The following DNAJC1 variants were observed in gnomAD, a reference collection of about 807,000 sequenced individuals.
The protein encoded by DNAJC1 is DnaJ heat shock protein family (Hsp40) member C1.
Under a neutral mutation model 76.6 loss-of-function variants are expected in DNAJC1, and 58 were observed. That is an observed-to-expected ratio of 0.76 (90% CI 0.61 to 0.94). The LOEUF is 0.94. Ranked by LOEUF, DNAJC1 falls within the 40% of genes least tolerant of loss-of-function variation. The pLI is 0.00. For missense variants in DNAJC1, 689 were observed against 677.3 expected (o/e 1.02, Z -0.19); for synonymous variants, 258 against 267.9 (o/e 0.96, Z 0.36).
At chr10:21,883,379 C>T (rs1836315034) in intron 7 of DNAJC1, among the ~76,000 whole-genome samples, 1 of 151,778 alleles carries the variant, frequency 6.6e-6, no homozygotes, top group Non-Finnish European at 1.5e-5. Flanking sequence ...AGTATTTTCA[C>T]CACCCCATGT....
chr10:21,941,312 T>C (rs564874805), intron 1 of DNAJC1, among the ~76,000 whole-genome samples: 2 of 146,750 alleles, frequency 1.4e-5, no homozygotes, highest in Non-Finnish European at 3.0e-5. Flanking sequence ...CAACCAAATG[T>C]CATGTATGGA....
chr10:21,910,774 A>G (rs893117612), intron 6 of DNAJC1, among the ~76,000 whole-genome samples: 4 of 146,602 alleles, frequency 2.7e-5, no homozygotes, highest in Non-Finnish European at 4.5e-5. Context: ...CCTATGTAAC[A>G]AACCTGTAAA....
At chr10:21,994,051 A>G (rs1838373802) in intron 1 of DNAJC1, among the ~76,000 whole-genome samples, 1 of 152,218 alleles carries the variant, frequency 6.6e-6, no homozygotes, top group Non-Finnish European at 1.5e-5. Flanking sequence ...TTTCTTTGAG[A>G]ACAGTCCTCA....
intron 9 of DNAJC1, among the ~76,000 whole-genome samples, chr10:21,794,680 T>TA (rs1218545396): frequency 6.6e-6 from 1 of 152,048 alleles, no homozygotes; most frequent in Non-Finnish European, 1.5e-5. Flanking sequence ...GGTATAACAC[T>TA]AAAAAGCATA....
intron 6 of DNAJC1, among the ~76,000 whole-genome samples, chr10:21,914,452 G>A (rs934619319): frequency 2.0e-5 from 3 of 152,140 alleles, no homozygotes; most frequent in African/African-American, 4.8e-5. Flanking sequence ...CAGTCCTTAT[G>A]TACTTTATTT....
intron 9 of DNAJC1, among the ~76,000 whole-genome samples, chr10:21,787,695 G>A (rs147276890): frequency 6.6e-6 from 1 of 152,296 alleles, no homozygotes; most frequent in East Asian, 1.9e-4. Context: ...CTGGGAACCA[G>A]GTGGCCACTT....
chr10:21,905,076 T>C (rs1488537358), intron 6 of DNAJC1, among the ~76,000 whole-genome samples: 3 of 151,982 alleles, frequency 2.0e-5, no homozygotes, highest in Admixed American at 2.0e-4. Context: ...CGAGCATGTA[T>C]ATAAAAGTGA....
At chr10:21,934,967 C>T (rs1316391405) in intron 1 of DNAJC1, among the ~76,000 whole-genome samples, 1 of 152,128 alleles carries the variant, frequency 6.6e-6, no homozygotes, top group East Asian at 1.9e-4. Flanking sequence ...GTGTCTATTT[C>T]AGAAAAGTCA....
chr10:21,835,697 G>A (rs878969183), intron 8 of DNAJC1, among the ~76,000 whole-genome samples: 32 of 152,156 alleles, frequency 2.1e-4, no homozygotes, highest in Non-Finnish European at 1.3e-4. Context: ...CTCAGTAGCC[G>A]ATGCGATCAA....
intron 1 of DNAJC1, among the ~76,000 whole-genome samples, chr10:21,974,866 T>C (rs934084688): frequency 6.6e-6 from 1 of 152,140 alleles, no homozygotes; most frequent in African/African-American, 2.4e-5. Context: ...CTCTATGTAA[T>C]GTAATATGTA....
chr10:21,813,220 C>CTCTCTA (rs1438462566), intron 8 of DNAJC1, among the ~76,000 whole-genome samples: 14 of 19,080 alleles, frequency 7.3e-4, no homozygotes, highest in East Asian at 1.2e-3. Context: ...CTCTCTCTCT[C>CTCTCTA]TATATATATA....
chr10:21,758,615 C>T (rs1283495683), intron 11 of DNAJC1, among the ~76,000 whole-genome samples: 2 of 150,412 alleles, frequency 1.3e-5, no homozygotes, highest in Admixed American at 1.3e-4. Flanking sequence ...ACGGAGATGG[C>T]CTCAGGGCCT....
chr10:21,910,872 GAGAGGAGAGGAGGAAGGAA>G (rs1564824896), intron 6 of DNAJC1, among the ~76,000 whole-genome samples: 1 of 143,484 alleles, frequency 7.0e-6, no homozygotes, highest in Non-Finnish European at 1.5e-5. Flanking sequence ...GAGAGGAGAG[GAGAGGAGAGGAGGAAGGAA>G]AGGAAGGAAA....
intron 9 of DNAJC1, among the ~76,000 whole-genome samples, 186 bp downstream of exon 9, chr10:21,805,794 C>A (rs921692181): frequency 1.4e-4 from 21 of 152,292 alleles, no homozygotes; most frequent in African/African-American, 5.1e-4. Flanking sequence ...CAGCTGTTAA[C>A]TGTGGACCAG....
intron 8 of DNAJC1, among the ~76,000 whole-genome samples, chr10:21,813,070 CATATATAT>C (rs1278178220): frequency 1.8e-5 from 2 of 110,296 alleles, no homozygotes; most frequent in East Asian, 3.0e-4. Flanking sequence ...TACATATATA[CATATATAT>C]ACATATATAC....
At chr10:21,982,615 C>T (rs1305642304) in intron 1 of DNAJC1, among the ~76,000 whole-genome samples, 1 of 151,410 alleles carries the variant, frequency 6.6e-6, no homozygotes, top group Non-Finnish European at 1.5e-5. Flanking sequence ...AGACAAATGA[C>T]CAATAACCCA....
At chr10:21,770,943 T>C (rs898820523) in intron 9 of DNAJC1, among the ~76,000 whole-genome samples, 4 of 152,170 alleles carry the variant, frequency 2.6e-5, no homozygotes, top group African/African-American at 9.7e-5. Context: ...TCAGGAAGAC[T>C]TAAGAGTTCC....
Position 21,848,682 on chromosome 10 carries a change from C to T in DNAJC1, c.978+33600G>A, listed in dbSNP as rs537798855. Among the ~76,000 whole-genome samples the T allele has an allele frequency of 5.9e-5, 9 of 152,314 alleles. No homozygotes were observed. In the South Asian group the frequency reaches 1.9e-3, roughly 32 times the overall value. ...ATCCATCCAATAACAGCAGAATACA[C>T]ATTCTTCTCCAGTGCACATGGAACA... On this transcript the variant is annotated intron_variant, in intron 8 of 11. Transcript: ENST00000376980.
chr10:21,835,243 C>G (rs1465167361), intron 8 of DNAJC1, among the ~76,000 whole-genome samples: 4 of 152,284 alleles, frequency 2.6e-5, no homozygotes, highest in Non-Finnish European at 5.9e-5. Context: ...CCAGCAAACT[C>G]CAACAGACCT....
Sources: allele counts gnomAD v4.1 joint callset (sites outside exome capture counted in the v4.1 genomes callset), GRCh38; gene constraint gnomAD v4.1.1; transcripts MANE v1.5; gene names NCBI Gene and HGNC (gene_info 2026-07-23, HGNC 2026-07-21).